Variants in UBE2R2 observed in about 807,000 individuals in gnomAD.
The protein encoded by UBE2R2 is ubiquitin conjugating enzyme E2 R2, also known as ubiquitin-conjugating enzyme E2 R2.
Under a neutral mutation model 27.8 loss-of-function variants are expected in UBE2R2, and 1 was observed. That is an observed-to-expected ratio of 0.04 (90% CI 0.01 to 0.17). The LOEUF is 0.17. Ranked by LOEUF, UBE2R2 falls within the 10% of genes least tolerant of loss-of-function variation. The pLI is 1.00. For missense variants in UBE2R2, 100 were observed against 291.0 expected (o/e 0.34, Z 4.78); for synonymous variants, 106 against 113.3 (o/e 0.94, Z 0.41).
intron 1 of UBE2R2, among the ~76,000 whole-genome samples, chr9:33,831,729 G>C (rs1487806629): frequency 2.0e-5 from 3 of 152,036 alleles, no homozygotes; most frequent in African/African-American, 4.8e-5. Context: ...GCGCGGTCTT[G>C]GCTCACTGCA....
At chr9:33,879,308 G>A (rs1168941795) in intron 1 of UBE2R2, among the ~76,000 whole-genome samples, 2 of 152,120 alleles carry the variant, frequency 1.3e-5, no homozygotes, top group East Asian at 1.9e-4. Flanking sequence ...GTAGAGTCAG[G>A]ATTCAAACCC....
intron 1 of UBE2R2, among the ~76,000 whole-genome samples, chr9:33,820,086 T>A (rs1825949698): frequency 6.6e-6 from 1 of 152,142 alleles, no homozygotes; most frequent in Admixed American, 6.5e-5. Context: ...CTCACTCCAA[T>A]AAAGTTAAAA....
intron 2 of UBE2R2, among the ~76,000 whole-genome samples, chr9:33,888,904 G>A (rs1443419322): frequency 6.6e-6 from 1 of 152,146 alleles, no homozygotes; most frequent in East Asian, 1.9e-4. Context: ...GCACATTGGG[G>A]CAGCTGTGTC....
At chr9:33,860,930 T>A (rs1821217245) in intron 1 of UBE2R2, among the ~76,000 whole-genome samples, 1 of 123,584 alleles carries the variant, frequency 8.1e-6, no homozygotes, top group Non-Finnish European at 1.7e-5. Context: ...GTTAACCCTG[T>A]GTTAAGTTTT....
At chr9:33,914,682 G>A (rs1247525614) in intron 4 of UBE2R2, among the ~76,000 whole-genome samples, 4 of 152,080 alleles carry the variant, frequency 2.6e-5, no homozygotes, top group African/African-American at 9.7e-5. Flanking sequence ...ATAAAAGTTA[G>A]TTGGGCATAG....
intron 1 of UBE2R2, 72 bp downstream of exon 1, chr9:33,818,006 C>T (rs1363374373): frequency 1.3e-6 from 2 of 1,553,048 alleles, no homozygotes. Flanking sequence ...TTCTGCAGTT[C>T]CTGGGACCAG....
At chr9:33,849,504 G>A (rs1007064859) in intron 1 of UBE2R2, among the ~76,000 whole-genome samples, 4 of 151,962 alleles carry the variant, frequency 2.6e-5, no homozygotes, top group Non-Finnish European at 5.9e-5. Context: ...TAAATTCTTT[G>A]TATTCATTTT....
At position 33,872,576 on chromosome 9, in the gene UBE2R2, C is replaced by T. The variant is rs2243722; in HGVS notation, c.178-14305C>T. ...CCAAGGCGGGCAAATCACCTGAGGT[C>T]AGAAGGTCAAGACCAACCTGACCAA... On this transcript the variant is annotated intron_variant, in intron 1 of 4. Coordinates refer to ENST00000263228, the MANE Select transcript of UBE2R2 (RefSeq NM_017811.4). Among the ~76,000 whole-genome samples the T allele has an allele frequency of 5.9e-3, 902 of 152,194 alleles. 11 individuals carry two copies. The highest frequency in any genetic ancestry group is 0.02 in the African/African-American group (847 of 41,528).
At chr9:33,834,217 T>C (rs1056067223) in intron 1 of UBE2R2, among the ~76,000 whole-genome samples, 1 of 151,000 alleles carries the variant, frequency 6.6e-6, no homozygotes, top group Admixed American at 6.6e-5. Context: ...TTTTTTTTTT[T>C]GGAGACAGAG....
At chr9:33,870,345 G>T (rs1456878858) in intron 1 of UBE2R2, among the ~76,000 whole-genome samples, 1 of 152,094 alleles carries the variant, frequency 6.6e-6, no homozygotes, top group Non-Finnish European at 1.5e-5. Flanking sequence ...GTTTCACCAA[G>T]TTGGCCAGGC....
chr9:33,848,348 T>C (rs948939146), intron 1 of UBE2R2, among the ~76,000 whole-genome samples: 2 of 152,150 alleles, frequency 1.3e-5, no homozygotes, highest in African/African-American at 4.8e-5. Flanking sequence ...TCTCCCTCTT[T>C]CCATACTTCT....
At chr9:33,829,602 A>G (rs903366192) in intron 1 of UBE2R2, among the ~76,000 whole-genome samples, 1 of 152,172 alleles carries the variant, frequency 6.6e-6, no homozygotes, top group African/African-American at 2.4e-5. Context: ...GAGATGATAG[A>G]GAAAGTTAAA....
chr9:33,907,662 T>C (rs1822383402), intron 3 of UBE2R2, among the ~76,000 whole-genome samples: 1 of 152,146 alleles, frequency 6.6e-6, no homozygotes, highest in Non-Finnish European at 1.5e-5. Flanking sequence ...TTATTCTTTA[T>C]AGGAACCGAG....
At chr9:33,908,145 A>C (rs1463480910) in intron 3 of UBE2R2, among the ~76,000 whole-genome samples, 2 of 152,150 alleles carry the variant, frequency 1.3e-5, no homozygotes, top group East Asian at 3.9e-4. Context: ...CTTAAATTCA[A>C]ATTCAATTTT....
chr9:33,844,859 C>T (rs1056150078), intron 1 of UBE2R2, among the ~76,000 whole-genome samples: 1 of 151,190 alleles, frequency 6.6e-6, no homozygotes, highest in East Asian at 2.0e-4. Flanking sequence ...TTCCACCTCC[C>T]GGGTTCAAGC....
intron 3 of UBE2R2, among the ~76,000 whole-genome samples, chr9:33,910,518 A>T (rs1418991323): frequency 2.0e-5 from 3 of 152,126 alleles, no homozygotes; most frequent in Non-Finnish European, 4.4e-5. Flanking sequence ...TGTGGATGAA[A>T]ATTGGCCGTT....
At chr9:33,826,127 C>T (rs1306838726) in intron 1 of UBE2R2, among the ~76,000 whole-genome samples, 3 of 141,026 alleles carry the variant, frequency 2.1e-5, no homozygotes, top group East Asian at 4.1e-4. Flanking sequence ...GCCTGAGCAA[C>T]AGAATGGGAC....
chr9:33,886,381 G>T (rs1301939238), intron 1 of UBE2R2, among the ~76,000 whole-genome samples: 1 of 152,178 alleles, frequency 6.6e-6, no homozygotes, highest in Non-Finnish European at 1.5e-5. Context: ...TAGGGGCAGG[G>T]CACGGTGGCT....
intron 1 of UBE2R2, 104 bp from the exon 2 acceptor site, chr9:33,886,777 C>T: frequency 1.1e-6 from 1 of 915,014 alleles, no homozygotes; most frequent in Non-Finnish European, 1.6e-6. Context: ...AGAGTTTACT[C>T]TATGAAAGGA....
Sources: gnomAD v4.1 joint callset for allele counts (sites outside exome capture counted in the v4.1 genomes callset) on GRCh38, gnomAD v4.1.1 for gene constraint, MANE v1.5 for transcripts, NCBI Gene and HGNC (gene_info 2026-07-23, HGNC 2026-07-21) for gene names.